GALNT14: variants seen among roughly 807,000 people sequenced by gnomAD.
GALNT14 encodes the protein polypeptide N-acetylgalactosaminyltransferase 14, also known as UDP-GalNAc:polypeptide N-acetylgalactosaminyltransferase 14.
Under a neutral mutation model 77.5 loss-of-function variants are expected in GALNT14, and 60 were observed. The observed-to-expected ratio is 0.77, with a 90% CI of 0.63 to 0.96. The LOEUF (loss-of-function observed/expected upper bound fraction) is 0.96. GALNT14 is among the 40% of genes least tolerant of loss of function. The pLI is 0.00. For missense variants in GALNT14, 710 were observed against 731.0 expected (o/e 0.97, Z 0.33); for synonymous variants, 280 against 281.7 (o/e 0.99, Z 0.06).
the GALNT14 span, among the ~76,000 whole-genome samples, chr2:30,904,465 A>G: frequency 1.3e-5 from 2 of 152,138 alleles, no homozygotes; most frequent in African/African-American, 4.8e-5. Flanking sequence ...CACCTGGAAA[A>G]TCAGGTCACT....
chr2:31,008,505 G>A (rs2365190), intron 1 of GALNT14, among the ~76,000 whole-genome samples: 39,749 of 151,992 alleles, frequency 0.26, 5,552 homozygotes, highest in East Asian at 0.4. Flanking sequence ...TGACATCCAC[G>A]TCTCACTCAC....
intron 1 of GALNT14, among the ~76,000 whole-genome samples, chr2:31,029,989 G>A (rs914392014): frequency 1.3e-5 from 2 of 152,212 alleles, no homozygotes; most frequent in African/African-American, 4.8e-5. Context: ...TCTCTGCTCT[G>A]CGCAGGCACA....
the GALNT14 span, among the ~76,000 whole-genome samples, chr2:30,886,936 G>A: frequency 5.3e-5 from 8 of 152,316 alleles, 1 homozygote; most frequent in East Asian, 1.3e-3. Flanking sequence ...GCAACTGCCA[G>A]TTTGCCTTCT....
intron 1 of GALNT14, among the ~76,000 whole-genome samples, chr2:30,995,291 T>G (rs1324769134): frequency 6.6e-6 from 1 of 152,172 alleles, no homozygotes. Context: ...CTGTACCTTT[T>G]CTGTTTTGAT....
At chr2:30,987,794 C>T (rs1669402240) in intron 2 of GALNT14, among the ~76,000 whole-genome samples, 2 of 151,766 alleles carry the variant, frequency 1.3e-5, no homozygotes, top group Non-Finnish European at 2.9e-5. Context: ...AGCTGCTCAC[C>T]CCAACACCCG....
chr2:30,965,928 G>C (rs956900814), intron 3 of GALNT14, among the ~76,000 whole-genome samples: 1 of 152,138 alleles, frequency 6.6e-6, no homozygotes, highest in East Asian at 1.9e-4. Flanking sequence ...TGGGGAGGCC[G>C]AGGGCTCTGA....
chr2:30,918,872 C>G (rs1301954404), intron 13 of GALNT14, among the ~76,000 whole-genome samples: 2 of 149,314 alleles, frequency 1.3e-5, no homozygotes, highest in African/African-American at 4.9e-5. Context: ...AAGGTGGCAT[C>G]AGGCAGGGAG....
intron 12 of GALNT14, 118 bp from the exon 13 acceptor site, chr2:30,924,381 C>T (rs2148231479): frequency 4.6e-6 from 5 of 1,089,078 alleles, no homozygotes; most frequent in Non-Finnish European, 4.1e-6. Flanking sequence ...TAGAAAATAT[C>T]TGCACTGCTC....
chr2:30,992,492 G>T (rs1423816799), intron 2 of GALNT14, among the ~76,000 whole-genome samples: 1 of 152,162 alleles, frequency 6.6e-6, no homozygotes, highest in Non-Finnish European at 1.5e-5. Context: ...AGCCTCGGGT[G>T]TGGGAATCTG....
chr2:30,970,019 A>C (rs1159413673), intron 2 of GALNT14, among the ~76,000 whole-genome samples: 1 of 152,148 alleles, frequency 6.6e-6, no homozygotes, highest in Non-Finnish European at 1.5e-5. Flanking sequence ...ATTCTGGAAG[A>C]TTTTCTCCCT....
chr2:30,956,263 G>A (rs539033647), intron 4 of GALNT14, among the ~76,000 whole-genome samples: 12 of 152,170 alleles, frequency 7.9e-5, no homozygotes, highest in Non-Finnish European at 1.5e-4. Flanking sequence ...AATGTTCCAG[G>A]TGGAAAATCT....
Position 30,932,184 on chromosome 2 carries a change from GA to G in GALNT14, c.941del (p.Phe314SerfsTer10), listed in dbSNP as rs1665777154. On this transcript the variant is annotated frameshift_variant, in exon 10 of 15. Transcript: ENST00000349752. LOFTEE classifies it high-confidence loss of function. ...GGCTGCCCCCGCACATCCACACTCG[GA>G]AGGAGATTTCTGCAAGACAGTCACG... ...IWGGENFEIS[F>X]RVWMCGGSLE... 1.3e-6 allele frequency: 2 copies of G among 1,513,486 alleles called. No homozygotes were observed. Among genetic ancestry groups the G allele is most frequent in the Admixed American group, 2.2e-5 (1 of 45,602 alleles). The allele number at this position is 1,513,486 out of a possible 1,614,324, so 93.8% of individuals were successfully genotyped here. A position where few individuals can be genotyped will look rare whatever the true frequency, so the allele number is the denominator to read the frequency against.
At chr2:30,942,583 A>T (rs1325320079) in intron 8 of GALNT14, among the ~76,000 whole-genome samples, 2 of 152,134 alleles carry the variant, frequency 1.3e-5, no homozygotes, top group Non-Finnish European at 2.9e-5. Context: ...CATATCTCCC[A>T]TGGGGACACA....
chr2:31,038,065 CATATAT>C (rs1363490802), intron 1 of GALNT14, among the ~76,000 whole-genome samples: 1 of 68,204 alleles, frequency 1.5e-5, no homozygotes, highest in Non-Finnish European at 2.5e-5. Flanking sequence ...CCTTATTTGC[CATATAT>C]ATATATATAT....
At chr2:30,911,587 G>A (rs1424208651) in intron 14 of GALNT14, among the ~76,000 whole-genome samples, 2 of 152,212 alleles carry the variant, frequency 1.3e-5, no homozygotes, top group Non-Finnish European at 2.9e-5. Flanking sequence ...AGAGGGCACT[G>A]AGCACGTTAC....
chr2:30,948,668 T>C (rs903914647), intron 6 of GALNT14, among the ~76,000 whole-genome samples: 6 of 152,216 alleles, frequency 3.9e-5, no homozygotes, highest in African/African-American at 1.4e-4. Flanking sequence ...CCTGGACTCT[T>C]CCTGTGCACC....
intron 1 of GALNT14, among the ~76,000 whole-genome samples, chr2:31,059,941 G>A (rs1467668988): frequency 1.3e-5 from 2 of 152,132 alleles, no homozygotes; most frequent in Non-Finnish European, 2.9e-5. Flanking sequence ...CTAAAACAAT[G>A]CCAAATTATA....
At chr2:30,906,270 T>C (rs1355094718), downstream of GALNT14, among the ~76,000 whole-genome samples, 1 of 151,162 alleles carries the variant, frequency 6.6e-6, no homozygotes, top group Non-Finnish European at 1.5e-5. Context: ...GACTGGCAAA[T>C]TGGAGAGTCA....
At chr2:30,990,692 C>G (rs1433850051) in intron 2 of GALNT14, among the ~76,000 whole-genome samples, 1 of 152,198 alleles carries the variant, frequency 6.6e-6, no homozygotes, top group African/African-American at 2.4e-5. Context: ...GGCTGCTGGT[C>G]CCATGTGCTT....
Sources: gnomAD v4.1 joint callset for allele counts (sites outside exome capture counted in the v4.1 genomes callset) on GRCh38, gnomAD v4.1.1 for gene constraint, MANE v1.5 for transcripts, NCBI Gene and HGNC (gene_info 2026-07-23, HGNC 2026-07-21) for gene names.